The following MACROD1 variants were observed in gnomAD, a reference collection of about 807,000 sequenced individuals.
MACROD1 encodes mono-ADP ribosylhydrolase 1, also known as ADP-ribose glycohydrolase MACROD1.
Under a neutral mutation model 41.4 loss-of-function variants are expected in MACROD1, and 31 were observed. That is an observed-to-expected ratio of 0.75 (90% CI 0.56 to 1.01). The LOEUF (loss-of-function observed/expected upper bound fraction) is 1.01. Ranked by LOEUF, MACROD1 falls within the 50% of genes least tolerant of loss-of-function variation. The pLI is 0.00. For synonymous variants in MACROD1, 252 were observed against 203.4 expected (o/e 1.24, Z -2.03); for missense variants, 473 against 460.0 (o/e 1.03, Z -0.26).
At chr11:64,121,082 G>T (rs1486190738) in intron 3 of MACROD1, among the ~76,000 whole-genome samples, 1 of 152,142 alleles carries the variant, frequency 6.6e-6, no homozygotes, top group African/African-American at 2.4e-5. Context: ...GAGTGCGGGA[G>T]ACTTAGTGCT....
In MACROD1 at chr11:64,050,764, G is replaced by A. The variant is rs555228887; in HGVS notation, c.518-35483C>T. 8.1e-4 allele frequency among the ~76,000 whole-genome samples: 124 copies of A among 152,314 alleles called. 3 individuals carry two copies. Among genetic ancestry groups the A allele is most frequent in the Admixed American group, 3.7e-3 (56 of 15,308 alleles). On this transcript the variant is annotated intron_variant, in intron 3 of 10. Transcript: ENST00000255681. ...CTCCTGAGTAGCTGGGATTACAGGCGCATGCCATAATACCCCGCTAATTTT... is the reference window on the plus strand; with the variant it reads ...CTCCTGAGTAGCTGGGATTACAGGCACATGCCATAATACCCCGCTAATTTT...
At chr11:64,062,452 G>A (rs761948324) in intron 3 of MACROD1, among the ~76,000 whole-genome samples, 1 of 152,162 alleles carries the variant, frequency 6.6e-6, no homozygotes, top group Non-Finnish European at 1.5e-5. Flanking sequence ...CGGAAGGCTC[G>A]CCTCACACAG....
At chr11:64,149,365 G>A (rs1945541841) in intron 3 of MACROD1, among the ~76,000 whole-genome samples, 1 of 152,144 alleles carries the variant, frequency 6.6e-6, no homozygotes, top group Non-Finnish European at 1.5e-5. Context: ...CAGAGAAGGG[G>A]AGTCCACAGA....
intron 4 of MACROD1, among the ~76,000 whole-genome samples, chr11:64,007,827 C>T (rs1037202901): frequency 6.6e-6 from 1 of 152,230 alleles, no homozygotes; most frequent in Admixed American, 6.5e-5. Context: ...CCCAGCCCTT[C>T]CGGCTGCCTG....
At chr11:64,028,487 G>T (rs1251069478) in intron 3 of MACROD1, among the ~76,000 whole-genome samples, 1 of 152,230 alleles carries the variant, frequency 6.6e-6, no homozygotes, top group Non-Finnish European at 1.5e-5. Flanking sequence ...GAGGCGGAAG[G>T]AAGGAGCAGG....
At chr11:64,099,697 G>C (rs564578977) in intron 3 of MACROD1, among the ~76,000 whole-genome samples, 28 of 151,346 alleles carry the variant, frequency 1.9e-4, no homozygotes, top group Non-Finnish European at 3.8e-4. Flanking sequence ...GATGGATGAA[G>C]AGTTGGAAGG....
At chr11:64,139,129 G>A (rs1039568045) in intron 3 of MACROD1, among the ~76,000 whole-genome samples, 2 of 152,156 alleles carry the variant, frequency 1.3e-5, no homozygotes, top group African/African-American at 2.4e-5. Flanking sequence ...GAAGCCGCCA[G>A]TGACCTCTCA....
At chr11:64,010,215 G>C (rs1057499729) in intron 4 of MACROD1, among the ~76,000 whole-genome samples, 1 of 148,950 alleles carries the variant, frequency 6.7e-6, no homozygotes, top group Non-Finnish European at 1.5e-5. Flanking sequence ...ATTGGTTGGG[G>C]TGTTGCCCAG....
At chr11:64,123,258 C>T (rs1945127255) in intron 3 of MACROD1, among the ~76,000 whole-genome samples, 1 of 152,174 alleles carries the variant, frequency 6.6e-6, no homozygotes, top group African/African-American at 2.4e-5. Context: ...GTGGCTGCTG[C>T]CTGCCCCTGG....
intron 3 of MACROD1, chr11:64,117,816 G>A (rs771847776): frequency 6.8e-6 from 11 of 1,614,084 alleles, no homozygotes; most frequent in African/African-American, 5.3e-5. Context: ...CAATGCCTAC[G>A]TAGCTGATGA....
intron 3 of MACROD1, among the ~76,000 whole-genome samples, chr11:64,074,800 C>G (rs1022493362): frequency 6.6e-6 from 1 of 152,224 alleles, no homozygotes; most frequent in African/African-American, 2.4e-5. Flanking sequence ...GGAGTCACTC[C>G]CCAGTTCCTG....
rs1272965050 is a variant in MACROD1 at position 64,064,104 on chromosome 11, A to C, written c.518-48823T>G. 1.3e-5 allele frequency among the ~76,000 whole-genome samples: 2 copies of C among 152,136 alleles called. No homozygotes were observed. The highest frequency in any genetic ancestry group is 6.5e-5 in the Admixed American group (1 of 15,276). On this transcript the variant is annotated intron_variant, in intron 3 of 10. Transcript: ENST00000255681. This position sits in a 1 kb window ranked among gnomAD's most constrained non-coding sequence, Gnocchi z 4.5. ...CGAGGTCTCTCTCTCTGCGCCCCCT[A>C]TCTCTCCAAGCCCCTCGGTCTCTCC...
chr11:64,062,419 C>T (rs1362392780), intron 3 of MACROD1, among the ~76,000 whole-genome samples: 2 of 152,200 alleles, frequency 1.3e-5, no homozygotes, highest in Non-Finnish European at 2.9e-5. Context: ...TCTGCCCACA[C>T]CCTGGAACCA....
chr11:64,009,687 C>T (rs1942970117), intron 4 of MACROD1, among the ~76,000 whole-genome samples: 2 of 152,086 alleles, frequency 1.3e-5, no homozygotes, highest in South Asian at 4.1e-4. Context: ...GTGAGGCAGG[C>T]ACAGGAGTCC....
intron 1 of MACROD1, among the ~76,000 whole-genome samples, chr11:64,156,969 G>A (rs1945677856): frequency 1.3e-5 from 2 of 152,174 alleles, no homozygotes; most frequent in African/African-American, 4.8e-5. Flanking sequence ...GGCCAACTGC[G>A]CCCATTCAGC....
chr11:64,155,227 C>T (rs1945649412), intron 1 of MACROD1, among the ~76,000 whole-genome samples: 1 of 151,986 alleles, frequency 6.6e-6, no homozygotes, highest in Non-Finnish European at 1.5e-5. Context: ...GTGCAAAAGC[C>T]CAGAGGTAAG....
At chr11:64,044,551 C>T (rs918071206) in intron 3 of MACROD1, among the ~76,000 whole-genome samples, 5 of 152,200 alleles carry the variant, frequency 3.3e-5, no homozygotes, top group African/African-American at 1.2e-4. Flanking sequence ...CCAGCAACTT[C>T]TGAAGTAGGC....
At chr11:64,017,251 G>A (rs1241260357) in intron 3 of MACROD1, among the ~76,000 whole-genome samples, 1 of 152,218 alleles carries the variant, frequency 6.6e-6, no homozygotes, top group Non-Finnish European at 1.5e-5. Context: ...GATTACAGGT[G>A]TGAGCCACCG....
chr11:64,008,840 C>T (rs371018857), intron 4 of MACROD1, among the ~76,000 whole-genome samples: 9 of 152,130 alleles, frequency 5.9e-5, no homozygotes, highest in East Asian at 5.8e-4. Context: ...CTCTCCTGCC[C>T]GCCTGCCAGG....
Sources: allele counts gnomAD v4.1 joint callset (sites outside exome capture counted in the v4.1 genomes callset), GRCh38; gene constraint gnomAD v4.1.1; non-coding constraint Gnocchi (gnomAD v3.1); transcripts MANE v1.5; gene names NCBI Gene and HGNC (gene_info 2026-07-23, HGNC 2026-07-21).